Variants in ATP7B observed in about 807,000 individuals in gnomAD.
ATP7B encodes the protein ATPase copper transporting beta, also known as copper-transporting ATPase 2.
A neutral mutation model predicts 118.9 loss-of-function variants in ATP7B; 113 were observed. The observed-to-expected ratio is 0.95, with a 90% CI of 0.82 to 1.11. ATP7B has a LOEUF of 1.11. ATP7B is among the 50% of genes most tolerant of loss of function. The pLI, the probability that ATP7B is intolerant of heterozygous loss-of-function variation, is 0.00. For synonymous variants in ATP7B, 777 were observed against 727.4 expected (o/e 1.07, Z -1.10); for missense variants, 1,867 against 1,871.4 (o/e 1.00, Z 0.04).
intron 9 of ATP7B, 36 bp from the exon 10 acceptor site, chr13:51,950,435 T>C: frequency 6.2e-7 from 1 of 1,612,442 alleles, no homozygotes. Context: ...ACATGGCCAC[T>C]CATTCGGTCA....
chr13:51,995,407 T>C, intron 1 of ATP7B: 1 of 916,120 alleles, frequency 1.1e-6, no homozygotes, highest in South Asian at 5.0e-5. Flanking sequence ...CAGTAGACAC[T>C]GGCCTGGCTG....
intron 8 of ATP7B, 55 bp from the exon 9 acceptor site, chr13:51,957,662 C>T (rs1452405936): frequency 2.6e-6 from 4 of 1,545,512 alleles, no homozygotes; most frequent in Non-Finnish European, 3.6e-6. Context: ...CCTGTCCAAA[C>T]CCAGCCTGAG....
chr13:51,935,559 G>A (rs996863176), intron 20 of ATP7B, 34 bp downstream of exon 20: 27 of 1,592,158 alleles, frequency 1.7e-5, no homozygotes, highest in Non-Finnish European at 2.2e-5. Flanking sequence ...CCTCCTGGGA[G>A]CCTCCCACAG....
At chr13:51,975,421 T>C (rs542328780) in intron 1 of ATP7B, 2 of 650,048 alleles carry the variant, frequency 3.1e-6, no homozygotes, top group South Asian at 1.4e-5. Flanking sequence ...ACAACAGACG[T>C]GGAGGATTCT....
chr13:51,960,238 C>A lies in ATP7B; in HGVS notation c.2031G>T (p.Glu677Asp), dbSNP rs533906179. 9 of 1,613,826 alleles carry A rather than the reference C, an allele frequency of 5.6e-6. No individual in the cohort carries two copies. Among genetic ancestry groups the A allele is most frequent in the Non-Finnish European group, 7.6e-6 (9 of 1,179,860 alleles). Reference protein sequence around the residue: ...LMIYMLIPSNEPHQSMVLDHN... With the variant: ...LMIYMLIPSNDPHQSMVLDHN... ...GGTCCAGGACCATGGACTGGTGGGGCTCGTTGCTGGGTATCAGCATATAGA... is the reference window on the plus strand; with the variant it reads ...GGTCCAGGACCATGGACTGGTGGGGATCGTTGCTGGGTATCAGCATATAGA... Residue 677 changes from glutamate (E) to aspartate (D), a missense_variant, in exon 7 of 21, where the codon GAG (glutamate) becomes GAT (aspartate). Physicochemically the swap from Glu to Asp is conservative, Grantham distance 45. Coordinates refer to ENST00000242839, the MANE Select transcript of ATP7B (RefSeq NM_000053.4).
chr13:52,004,525 C>A (rs1443638661), intron 1 of ATP7B, among the ~76,000 whole-genome samples: 1 of 152,206 alleles, frequency 6.6e-6, no homozygotes, highest in Non-Finnish European at 1.5e-5. Context: ...CAATCACAAT[C>A]CATTAACTAT....
intron 13 of ATP7B, among the ~76,000 whole-genome samples, chr13:51,944,987 G>A (rs1046425275): frequency 4.6e-5 from 7 of 152,174 alleles, no homozygotes; most frequent in Admixed American, 1.3e-4. Context: ...AAGGCCAGCA[G>A]GTTGCTCTTC....
rs184388696 is a variant in ATP7B, at chr13:51,941,080, C to T, written c.3556+1G>A. 20 of 1,614,170 alleles carry T rather than the reference C, an allele frequency of 1.2e-5. No homozygotes were observed. The highest frequency in any genetic ancestry group is 2.2e-5 in the East Asian group (1 of 44,888). ...GGAAGGAAGGCAGAAGCAGAAGATA[C>T]CGTCAATAGCCACCAGGATGGCTGT... On this transcript the variant is annotated splice_donor_variant, in intron 16 of 20. Coordinates refer to ENST00000242839, the MANE Select transcript of ATP7B (RefSeq NM_000053.4). LOFTEE classifies it high-confidence loss of function.
chr13:52,002,493 G>A (rs1566668359), intron 1 of ATP7B, among the ~76,000 whole-genome samples: 2 of 145,482 alleles, frequency 1.4e-5, no homozygotes, highest in Non-Finnish European at 3.0e-5. Flanking sequence ...CTGAGCCCGA[G>A]GAGATCCAGG....
intron 2 of ATP7B, among the ~76,000 whole-genome samples, chr13:51,973,003 C>T (rs1450210171): frequency 6.6e-6 from 1 of 151,978 alleles, no homozygotes; most frequent in Non-Finnish European, 1.5e-5. Context: ...AAGACCGTGT[C>T]CCTAAAAAAA....
chr13:52,009,545 G>T (rs557872103), intron 1 of ATP7B, among the ~76,000 whole-genome samples: 32 of 152,100 alleles, frequency 2.1e-4, no homozygotes, highest in Non-Finnish European at 4.1e-4. Flanking sequence ...GTATAATTGT[G>T]GCAACCACCT....
At chr13:51,983,686 C>A (rs1952526060) in intron 1 of ATP7B, among the ~76,000 whole-genome samples, 1 of 152,072 alleles carries the variant, frequency 6.6e-6, no homozygotes, top group Admixed American at 6.5e-5. Flanking sequence ...TGGCAGGTGC[C>A]CCTCAGGGAC....
rs778675259 is a variant in ATP7B, at chr13:51,970,565, G to A, written c.1470C>T (p.Cys490=). 6.2e-7 allele frequency: 1 copy of A among 1,614,042 alleles called. No homozygotes were observed. Among genetic ancestry groups the A allele is most frequent in the Admixed American group, 1.7e-5 (1 of 60,002 alleles). The change falls in exon 3 of 21, where the codon TGC becomes TGT. Residue 490 remains cysteine (C), a synonymous_variant. Transcript: ENST00000242839. ...QSTRAVAPQK[C]FLQIKGMTCA... ...AGGTCATGCCTTTGATCTGTAAGAA[G>A]CACTTCTGCGGTGCCACTGCTCTGG... is the stretch of plus-strand genomic sequence containing the variant.
chr13:51,972,989 G>A (rs1345305019), intron 2 of ATP7B, among the ~76,000 whole-genome samples: 1 of 152,054 alleles, frequency 6.6e-6, no homozygotes, highest in Non-Finnish European at 1.5e-5. Flanking sequence ...TTGGACAACA[G>A]GGCAAGACCG....
At chr13:52,011,989 G>A (rs1954053786), upstream of ATP7B, 1 of 324,144 alleles carries the variant, frequency 3.1e-6, no homozygotes, top group Non-Finnish European at 5.9e-6. Flanking sequence ...GGTCCCAAAG[G>A]AAGCAACCGC....
At chr13:52,011,678 G>A (rs975582601), upstream of ATP7B, among the ~76,000 whole-genome samples, 2 of 152,222 alleles carry the variant, frequency 1.3e-5, no homozygotes, top group Non-Finnish European at 1.5e-5. Context: ...CGGCCCCGCC[G>A]GTGCCACAGT....
chr13:51,995,348 ACT>A lies in ATP7B; in HGVS notation c.51+15937_51+15938del, dbSNP rs112713761. ...ACTCATTTCCCAGGTTCCATTCAAA[ACT>A]CTCTGTGGAAATTCTCCTTCCTCTG... is the stretch of plus-strand genomic sequence containing the variant. On this transcript the variant is annotated intron_variant, in intron 1 of 20. Transcript: ENST00000242839. The A allele has an allele frequency of 7.1e-6, 7 of 985,016 alleles. No individual in the cohort carries two copies. In the African/African-American group the frequency reaches 8.7e-5, roughly 12 times the overall value. 61.0% of individuals were successfully genotyped at this position (985,016 alleles called of 1,614,324 possible).
In ATP7B at chr13:51,974,480, T is replaced by C. The variant is rs376398239; in HGVS notation, c.740A>G (p.Glu247Gly). Residue 247 changes from glutamate to glycine, a missense_variant, in exon 2 of 21, where the codon GAG becomes GGG. Transcript: ENST00000242839. ...SSANQNFNNS[E>G]TLGHQGSHVV... ...ATGGCTTCCTTGGTGCCCCAAGGTCTCAGAATTATTAAAATTCTGGTTAGC... is the reference window on the plus strand; with the variant it reads ...ATGGCTTCCTTGGTGCCCCAAGGTCCCAGAATTATTAAAATTCTGGTTAGC... The C allele has an allele frequency of 1.5e-4, 248 of 1,614,046 alleles. No individual in the cohort carries two copies. The highest frequency in any genetic ancestry group is 3.3e-4 in the Admixed American group (20 of 60,004).
Position 51,942,673 on chromosome 13 carries a change from A to C in ATP7B, c.3244-119T>G, listed in dbSNP as rs532404806. 2.6e-5 allele frequency: 32 copies of C among 1,251,238 alleles called. No homozygotes were observed. In the South Asian group the frequency reaches 3.0e-4, roughly 12 times the overall value. The allele number at this position is 1,251,238 out of a possible 1,614,324, so 77.5% of individuals were successfully genotyped here. On this transcript the variant is annotated intron_variant, in intron 14 of 20. Transcript: ENST00000242839. ...TGGCAAGAGAGCAGCGGAAAGCGGG[A>C]ACTGAGAGAAAGGAGGGGAGGGAGG...
Sources: gnomAD v4.1 joint callset for allele counts (sites outside exome capture counted in the v4.1 genomes callset) on GRCh38, gnomAD v4.1.1 for gene constraint, MANE v1.5 for transcripts, NCBI Gene and HGNC (gene_info 2026-07-23, HGNC 2026-07-21) for gene names.